The following MAF variants were observed in gnomAD, a reference collection of about 807,000 sequenced individuals.
The protein encoded by MAF is MAF bZIP transcription factor, also known as transcription factor Maf.
In MAF, 10 loss-of-function variants were observed where a neutral mutation model predicts 22.0. That is an observed-to-expected ratio of 0.45 (90% CI 0.28 to 0.77). The LOEUF (loss-of-function observed/expected upper bound fraction) is 0.77, where lower values mean the gene tolerates loss of function less well. Among genes scored for constraint, MAF ranks in the 30% least tolerant of loss-of-function variants. The pLI, the probability that MAF is intolerant of heterozygous loss-of-function variation, is 0.12. For synonymous variants in MAF, 337 were observed against 255.8 expected (o/e 1.32, Z -3.03); for missense variants, 544 against 548.4 (o/e 0.99, Z 0.08).
At chr16:79,448,217 A>C in the MAF span, among the ~76,000 whole-genome samples, 1 of 152,138 alleles carries the variant, frequency 6.6e-6, no homozygotes, top group Non-Finnish European at 1.5e-5. Context: ...AAGCCAATGA[A>C]TGCAGCAAAC....
downstream of MAF, among the ~76,000 whole-genome samples, chr16:79,592,981 T>C (rs533554312): frequency 1.5e-3 from 222 of 152,312 alleles, no homozygotes; most frequent in African/African-American, 4.9e-3. Context: ...TTGTGTGTTT[T>C]ACCGGCATGG....
chr16:79,438,136 T>G, the MAF span, among the ~76,000 whole-genome samples: 1 of 148,752 alleles, frequency 6.7e-6, no homozygotes, highest in Admixed American at 6.7e-5. Context: ...GGGAAGAGAG[T>G]GGGGGCAGGA....
chr16:79,239,357 C>T, the MAF span, among the ~76,000 whole-genome samples: 2 of 151,948 alleles, frequency 1.3e-5, no homozygotes, highest in Non-Finnish European at 2.9e-5. Context: ...GGACAGTCCA[C>T]GCTGAAACTG....
chr16:79,403,767 G>C, the MAF span, among the ~76,000 whole-genome samples: 1 of 152,126 alleles, frequency 6.6e-6, no homozygotes, highest in African/African-American at 2.4e-5. Context: ...CTATATTTCT[G>C]AACAAAACAG....
chr16:79,549,167 G>A, the MAF span, among the ~76,000 whole-genome samples: 6 of 152,150 alleles, frequency 3.9e-5, no homozygotes, highest in Non-Finnish European at 7.3e-5. Flanking sequence ...AAAGGATGAT[G>A]GTGACGAGCA....
At chr16:79,320,237 A>C in the MAF span, among the ~76,000 whole-genome samples, 8,393 of 152,176 alleles carry the variant, frequency 0.055, 403 homozygotes, top group African/African-American at 0.13. Context: ...GTCTCTCTCT[A>C]TATATATACT....
chr16:79,545,613 C>T, the MAF span, among the ~76,000 whole-genome samples: 1 of 152,188 alleles, frequency 6.6e-6, no homozygotes, highest in South Asian at 2.1e-4. Flanking sequence ...CCCCCACCCC[C>T]CCACAGAGGC....
the MAF span, among the ~76,000 whole-genome samples, chr16:79,553,152 G>A: frequency 6.6e-6 from 1 of 152,234 alleles, no homozygotes; most frequent in Non-Finnish European, 1.5e-5. Context: ...CACAGCAGGT[G>A]CACAAAAAAT....
the MAF span, among the ~76,000 whole-genome samples, chr16:79,470,387 A>T: frequency 1.3e-4 from 20 of 152,256 alleles, no homozygotes; most frequent in Admixed American, 7.8e-4. Flanking sequence ...CAGAGGGCCC[A>T]GGGGACCAGG....
chr16:79,571,557 A>G, the MAF span, among the ~76,000 whole-genome samples: 1 of 121,600 alleles, frequency 8.2e-6, no homozygotes, highest in Non-Finnish European at 1.7e-5. Context: ...TTTTTTTTAC[A>G]AATGCACCAA....
At chr16:79,333,969 A>C in the MAF span, among the ~76,000 whole-genome samples, 19 of 152,346 alleles carry the variant, frequency 1.2e-4, no homozygotes, top group East Asian at 3.5e-3. Flanking sequence ...GTGGAAACCT[A>C]TCTGAGAGCT....
chr16:79,565,222 G>T, the MAF span, among the ~76,000 whole-genome samples: 1 of 152,068 alleles, frequency 6.6e-6, no homozygotes, highest in African/African-American at 2.4e-5. Context: ...AGTTGAACCC[G>T]GCCCAATTAC....
At chr16:79,232,001 A>G in the MAF span, among the ~76,000 whole-genome samples, 24 of 152,058 alleles carry the variant, frequency 1.6e-4, no homozygotes, top group African/African-American at 5.8e-4. Context: ...ACAGTTTACA[A>G]TAGGGTTTGC....
At chr16:79,443,896 G>A in the MAF span, among the ~76,000 whole-genome samples, 1 of 152,046 alleles carries the variant, frequency 6.6e-6, no homozygotes, top group Admixed American at 6.6e-5. Flanking sequence ...AAATGGTAAA[G>A]CCACTTGTGG....
chr16:79,267,545 G>A, the MAF span, among the ~76,000 whole-genome samples: 3 of 152,186 alleles, frequency 2.0e-5, no homozygotes, highest in African/African-American at 7.2e-5. Flanking sequence ...TACACAGAGG[G>A]ATAATGGCAG....
Position 79,599,182 on chromosome 16 carries a change from C to G in MAF, c.721G>C (p.Gly241Arg), listed in dbSNP as rs1289919892. The G allele has an allele frequency of 8.7e-7, 1 of 1,144,356 alleles. No individual in the cohort carries two copies. The highest frequency in any genetic ancestry group is 1.1e-6 in the Non-Finnish European group (1 of 931,350). 70.9% of individuals were successfully genotyped at this position (1,144,356 alleles called of 1,614,324 possible). A position where few individuals can be genotyped will look rare whatever the true frequency, so the allele number is the denominator to read the frequency against. ...GGGGGGGGAA[G>R]AGGALHPHHA... ...TGCGGGTGCAGGGCGCCCCCCGCCC[C>G]CGCCGCGCCCCCGCCGCCTCCGCCG... Residue 241 changes from glycine to arginine, a missense_variant, in exon 1 of 2, where the codon GGG (glycine) becomes CGG (arginine). Gly to Arg is a moderately radical substitution (Grantham distance 125, BLOSUM62 -2). Transcript: ENST00000326043.
At chr16:79,509,934 G>C in the MAF span, among the ~76,000 whole-genome samples, 2 of 152,168 alleles carry the variant, frequency 1.3e-5, no homozygotes, top group Non-Finnish European at 2.9e-5. Flanking sequence ...GAAAACCCCA[G>C]GGAAGGGACT....
At chr16:79,344,926 G>A in the MAF span, among the ~76,000 whole-genome samples, 2 of 152,156 alleles carry the variant, frequency 1.3e-5, no homozygotes, top group African/African-American at 4.8e-5. Flanking sequence ...ATTCTTTTGT[G>A]AAGAATGTAA....
the MAF span, among the ~76,000 whole-genome samples, chr16:79,232,892 G>A: frequency 2.1e-5 from 3 of 145,400 alleles, no homozygotes; most frequent in Non-Finnish European, 4.5e-5. Context: ...CCAGGCTGGA[G>A]TGCAGTGGCA....
Sources: gnomAD v4.1 joint callset for allele counts (sites outside exome capture counted in the v4.1 genomes callset) on GRCh38, gnomAD v4.1.1 for gene constraint, MANE v1.5 for transcripts, NCBI Gene and HGNC (gene_info 2026-07-23, HGNC 2026-07-21) for gene names.